Variants in RBFOX1 observed in about 807,000 individuals in gnomAD.
RBFOX1 encodes the protein RNA binding fox-1 homolog 1.
Under a neutral mutation model 57.7 loss-of-function variants are expected in RBFOX1, and 8 were observed. The ratio of observed to expected loss-of-function variants is 0.14; its 90% CI spans 0.08 to 0.25. RBFOX1 has a LOEUF of 0.25. Among genes scored for constraint, RBFOX1 ranks in the 10% least tolerant of loss-of-function variants. The probability of loss-of-function intolerance (pLI) is 1.00; values close to 1 mark genes in which losing one functional copy is unlikely to be tolerated. For synonymous variants in RBFOX1, 326 were observed against 222.4 expected (o/e 1.47, Z -4.15); for missense variants, 611 against 548.5 (o/e 1.11, Z -1.14).
intron 1 of RBFOX1, among the ~76,000 whole-genome samples, chr16:5,357,062 A>G (rs2065409525): frequency 6.6e-6 from 1 of 152,230 alleles, no homozygotes. Context: ...ACACAGTTCG[A>G]CAGCAGTAGA....
At chr16:6,887,894 TC>T (rs1718150134) in intron 3 of RBFOX1, among the ~76,000 whole-genome samples, 1 of 152,090 alleles carries the variant, frequency 6.6e-6, no homozygotes, top group Non-Finnish European at 1.5e-5. Flanking sequence ...ACTCCAGACT[TC>T]AAGTGATCCA....
At chr16:5,608,691 C>T (rs1379745179) in intron 3 of RBFOX1, among the ~76,000 whole-genome samples, 2 of 152,234 alleles carry the variant, frequency 1.3e-5, no homozygotes, top group African/African-American at 2.4e-5. Context: ...TACAAGGCTG[C>T]AAGCCCTGTA....
intron 1 of RBFOX1, among the ~76,000 whole-genome samples, chr16:5,290,737 C>T (rs2063513670): frequency 6.6e-6 from 1 of 150,774 alleles, no homozygotes; most frequent in Non-Finnish European, 1.5e-5. Context: ...TAGCTCTTGA[C>T]GCCTAGGCTG....
intron 3 of RBFOX1, among the ~76,000 whole-genome samples, chr16:6,914,507 T>A (rs1171056641): frequency 2.0e-5 from 3 of 151,978 alleles, no homozygotes; most frequent in Admixed American, 2.0e-4. Flanking sequence ...TGAGCCACCT[T>A]TGATAAGTGA....
intron 4 of RBFOX1, among the ~76,000 whole-genome samples, chr16:7,459,531 C>T (rs2059162875): frequency 6.6e-6 from 1 of 152,176 alleles, no homozygotes; most frequent in Non-Finnish European, 1.5e-5. Flanking sequence ...GCCTTGCATC[C>T]ACTGTGTGGA....
At position 6,915,108 on chromosome 16, in the gene RBFOX1, G is replaced by A. The variant is rs372990200; in HGVS notation, c.-15-136949G>A. Reference sequence around the variant, plus strand: ...AACTGCACACTGAGAACTGGCCTGCGGTCCTCCAGCTAATCAGTGGCGGAG... The same window carrying A: ...AACTGCACACTGAGAACTGGCCTGCAGTCCTCCAGCTAATCAGTGGCGGAG... On this transcript the variant is annotated intron_variant, in intron 3 of 15. Transcript: ENST00000550418. 7.9e-5 allele frequency among the ~76,000 whole-genome samples: 12 copies of A among 152,272 alleles called. No homozygotes were observed. In the South Asian group the frequency reaches 1.7e-3, roughly 21 times the overall value.
intron 3 of RBFOX1, among the ~76,000 whole-genome samples, chr16:6,687,201 C>G (rs1050308426): frequency 6.6e-6 from 1 of 151,918 alleles, no homozygotes; most frequent in African/African-American, 2.4e-5. Context: ...TAGTAAATAC[C>G]GTATGTTCTG....
chr16:7,333,101 C>T, intron 4 of RBFOX1: 1 of 1,610,064 alleles, frequency 6.2e-7, no homozygotes, highest in Non-Finnish European at 8.5e-7. Flanking sequence ...AATTCAAGGC[C>T]TCTGCCAGCC....
At chr16:5,570,240 G>C (rs1596311422) in intron 2 of RBFOX1, among the ~76,000 whole-genome samples, 1 of 152,060 alleles carries the variant, frequency 6.6e-6, no homozygotes, top group African/African-American at 2.4e-5. Flanking sequence ...TAGCACACAT[G>C]ATGGGTTTGT....
At position 5,999,589 on chromosome 16, in the gene RBFOX1, T is replaced by C. The variant is rs186815228; in HGVS notation, c.351+132254T>C. On this transcript the variant is annotated intron_variant, in intron 4 of 19. Transcript: ENST00000641259. ...GGGCGCCGCTGGGTGCGGCTGGGCTTGGTGGCTCACGCCTGTAATCCCGGC... is the reference window on the plus strand; with the variant it reads ...GGGCGCCGCTGGGTGCGGCTGGGCTCGGTGGCTCACGCCTGTAATCCCGGC... Among the ~76,000 whole-genome samples, 160 of 152,232 alleles carry C rather than the reference T, an allele frequency of 1.1e-3. 2 individuals carry two copies. The highest frequency in any genetic ancestry group is 2.9e-3 in the Admixed American group (45 of 15,294).
chr16:6,887,717 C>T (rs184030001), intron 3 of RBFOX1, among the ~76,000 whole-genome samples: 7 of 151,492 alleles, frequency 4.6e-5, no homozygotes, highest in Admixed American at 2.0e-4. Flanking sequence ...GGTTGGAGTG[C>T]CCTGGTGCAA....
intron 3 of RBFOX1, among the ~76,000 whole-genome samples, chr16:5,680,141 T>C (rs1197080176): frequency 1.3e-5 from 2 of 151,990 alleles, no homozygotes; most frequent in African/African-American, 4.8e-5. Flanking sequence ...AGAAGGAAGA[T>C]ATGTGTGGGG....
intron 3 of RBFOX1, among the ~76,000 whole-genome samples, chr16:7,003,817 G>C (rs986835040): frequency 2.0e-5 from 3 of 152,092 alleles, no homozygotes; most frequent in Admixed American, 1.3e-4. Flanking sequence ...ACAATTCCTT[G>C]TCCAGGTTCT....
chr16:6,333,647 G>A lies in RBFOX1; in HGVS notation c.-64+16590G>A, dbSNP rs187010718. Among the ~76,000 whole-genome samples, 217 of 152,230 alleles carry A rather than the reference G, an allele frequency of 1.4e-3. 1 individual carries two copies. Among genetic ancestry groups the A allele is most frequent in the Admixed American group, 0.01 (160 of 15,284 alleles). On this transcript the variant is annotated intron_variant, in intron 2 of 15. Coordinates refer to ENST00000550418, the MANE Select transcript of RBFOX1 (RefSeq NM_018723.4). ...ATTAAAAAATATATATATCAGAAAT[G>A]GATACAGGCTTATTTTCGTGGATGG...
At chr16:7,221,516 G>A (rs989769160) in intron 4 of RBFOX1, among the ~76,000 whole-genome samples, 6 of 151,950 alleles carry the variant, frequency 3.9e-5, no homozygotes, top group African/African-American at 1.5e-4. Flanking sequence ...ACAGGTGCGT[G>A]CCATCACACC....
intron 1 of RBFOX1, among the ~76,000 whole-genome samples, chr16:6,229,332 T>TGC (rs1387739511): frequency 6.6e-6 from 1 of 152,252 alleles, no homozygotes; most frequent in Non-Finnish European, 1.5e-5. Context: ...CCAGTTCCTC[T>TGC]GCACGCAGTG....
chr16:7,568,720 C>T (rs368063733), intron 5 of RBFOX1, among the ~76,000 whole-genome samples: 202 of 151,678 alleles, frequency 1.3e-3, no homozygotes, highest in African/African-American at 4.6e-3. Context: ...CCCGACTCTA[C>T]TAAAAATACA....
At chr16:6,464,278 G>T (rs556712293) in intron 2 of RBFOX1, among the ~76,000 whole-genome samples, 2 of 152,306 alleles carry the variant, frequency 1.3e-5, no homozygotes, top group African/African-American at 2.4e-5. Context: ...ATATATTAAT[G>T]GTTGGAGTGC....
chr16:7,053,996 G>T (rs2051028620), intron 4 of RBFOX1, among the ~76,000 whole-genome samples: 1 of 151,868 alleles, frequency 6.6e-6, no homozygotes, highest in African/African-American at 2.4e-5. Flanking sequence ...CGTGACTTAG[G>T]CGTCTAGTTC....
Sources: allele counts gnomAD v4.1 joint callset (sites outside exome capture counted in the v4.1 genomes callset), GRCh38; gene constraint gnomAD v4.1.1; transcripts MANE v1.5; gene names NCBI Gene and HGNC (gene_info 2026-07-23, HGNC 2026-07-21).